Variants in WDR27 observed in about 807,000 individuals in gnomAD.
WDR27 encodes WD repeat domain 27.
In WDR27, 100 loss-of-function variants were observed where a neutral mutation model predicts 114.4. The observed-to-expected ratio is 0.87, with a 90% CI of 0.74 to 1.03. The LOEUF is 1.03. Ranked by LOEUF, WDR27 falls within the 50% of genes least tolerant of loss-of-function variation. WDR27 has a pLI of 0.00. For missense variants in WDR27, 1,129 were observed against 1,092.9 expected (o/e 1.03, Z -0.47); for synonymous variants, 449 against 423.1 (o/e 1.06, Z -0.75).
At chr6:169,574,990 T>C (rs1802016340) in intron 24 of WDR27, among the ~76,000 whole-genome samples, 1 of 152,192 alleles carries the variant, frequency 6.6e-6, no homozygotes, top group Admixed American at 6.5e-5. Flanking sequence ...TTTGTCTATC[T>C]GCCTCTTTGA....
chr6:169,446,892 T>G, the WDR27 span, among the ~76,000 whole-genome samples: 2 of 152,214 alleles, frequency 1.3e-5, no homozygotes, highest in Non-Finnish European at 2.9e-5. Context: ...AAGCGGCCAC[T>G]TCTCCTGGTT....
At chr6:169,606,110 A>T (rs541698393) in intron 22 of WDR27, among the ~76,000 whole-genome samples, 1 of 152,170 alleles carries the variant, frequency 6.6e-6, no homozygotes, top group Non-Finnish European at 1.5e-5. Context: ...GACAAATATG[A>T]CTTAATTAAA....
intron 23 of WDR27, among the ~76,000 whole-genome samples, chr6:169,588,339 G>A (rs1232517909): frequency 6.6e-6 from 1 of 152,202 alleles, no homozygotes; most frequent in Non-Finnish European, 1.5e-5. Context: ...TTTTTAAAAA[G>A]ATGTGTGTAT....
Position 169,632,968 on chromosome 6 carries a change from G to T in WDR27, c.2202C>A (p.Val734=), listed in dbSNP as rs374182383. The T allele has an allele frequency of 6.9e-6, 11 of 1,587,398 alleles. No homozygotes were observed. The highest frequency in any genetic ancestry group is 9.5e-6 in the Non-Finnish European group (11 of 1,159,478). ...TCACTTTATTTTGGCAGATTTGATG[G>T]ACAGGCCGTGAGTGGGCTTCCGCTA... ...AVIAEAHSRP[V]HQICQNKGSS... is the part of the protein sequence containing the mutation. The change falls in exon 21 of 26, where the codon GTC becomes GTA. Residue 734 remains valine, a synonymous_variant. Coordinates refer to ENST00000448612, the MANE Select transcript of WDR27 (RefSeq NM_182552.5).
chr6:169,504,224 A>G (rs1791715330), intron 25 of WDR27, among the ~76,000 whole-genome samples: 2 of 152,240 alleles, frequency 1.3e-5, no homozygotes, highest in Admixed American at 1.3e-4. Flanking sequence ...TAAAATGTTA[A>G]GATACATAGT....
At chr6:169,532,350 G>A (rs946975600) in intron 25 of WDR27, among the ~76,000 whole-genome samples, 5 of 152,038 alleles carry the variant, frequency 3.3e-5, no homozygotes, top group Non-Finnish European at 5.9e-5. Flanking sequence ...AATCAAAATA[G>A]AAAATCTTCT....
intron 19 of WDR27, among the ~76,000 whole-genome samples, chr6:169,634,975 G>A (rs1206824885): frequency 6.6e-6 from 1 of 152,220 alleles, no homozygotes; most frequent in African/African-American, 2.4e-5. Context: ...GCAGGAACAA[G>A]AAGAGGATCC....
In WDR27 at chr6:169,652,018, G is replaced by A. The variant is rs752128468; in HGVS notation, c.1403-10C>T. On this transcript the variant is annotated splice_polypyrimidine_tract_variant and intron_variant, in intron 13 of 25. Coordinates refer to ENST00000448612, the MANE Select transcript of WDR27 (RefSeq NM_182552.5). ...ATGACGTTCCGTGCAGCTGTGGAAA[G>A]GCAATTTTAAAGAAGAAACAAACAC... 3 of 1,612,546 alleles carry A rather than the reference G, an allele frequency of 1.9e-6. No homozygotes were observed. Among genetic ancestry groups the A allele is most frequent in the Admixed American group, 3.3e-5 (2 of 59,728 alleles).
In WDR27 at chr6:169,652,002, C is replaced by T. The variant is rs931292408; in HGVS notation, c.1409G>A (p.Arg470Gln). 3 of 1,613,506 alleles carry T rather than the reference C, an allele frequency of 1.9e-6. No individual in the cohort carries two copies. The highest frequency in any genetic ancestry group is 2.5e-6 in the Non-Finnish European group (3 of 1,179,824). Residue 470 changes from arginine to glutamine, a missense_variant, in exon 14 of 26, where the codon CGG becomes CAG. Transcript: ENST00000448612. ...CAGGCGTTGGTCCTTCATGACGTTC[C>T]GTGCAGCTGTGGAAAGGCAATTTTA... ...KAASEQRRAA[R>Q]NVMKDQRLVF...
chr6:169,539,214 G>T (rs775773600), intron 25 of WDR27, among the ~76,000 whole-genome samples: 2 of 152,122 alleles, frequency 1.3e-5, no homozygotes, highest in African/African-American at 4.8e-5. Context: ...CAGTGTCCCA[G>T]TCCCTTCTGT....
chr6:169,486,095 C>T (rs2115411294), intron 25 of WDR27, among the ~76,000 whole-genome samples: 1 of 151,932 alleles, frequency 6.6e-6, no homozygotes. Flanking sequence ...ACAACAAATC[C>T]CCTTGATATG....
intron 25 of WDR27, among the ~76,000 whole-genome samples, chr6:169,460,066 G>C (rs1180199199): frequency 6.6e-6 from 1 of 152,038 alleles, no homozygotes; most frequent in East Asian, 1.9e-4. Context: ...ATAAAAGCTA[G>C]TATTATTATA....
At chr6:169,462,395 C>T (rs1228290650) in intron 25 of WDR27, among the ~76,000 whole-genome samples, 1 of 151,614 alleles carries the variant, frequency 6.6e-6, no homozygotes, top group East Asian at 1.9e-4. Flanking sequence ...TGAGATTGTG[C>T]CACTGCACTC....
chr6:169,568,670 C>T (rs1800885287), intron 25 of WDR27, among the ~76,000 whole-genome samples: 2 of 152,316 alleles, frequency 1.3e-5, no homozygotes, highest in Non-Finnish European at 2.9e-5. Flanking sequence ...GAAGACCCAA[C>T]TTTCCAATCC....
chr6:169,658,624 A>C (rs1447476962), intron 12 of WDR27, among the ~76,000 whole-genome samples: 1 of 152,194 alleles, frequency 6.6e-6, no homozygotes, highest in Non-Finnish European at 1.5e-5. Context: ...CGTTTTCAAC[A>C]AGATAGAAGC....
intron 25 of WDR27, among the ~76,000 whole-genome samples, chr6:169,465,941 G>A (rs1481654247): frequency 3.9e-5 from 6 of 152,216 alleles, no homozygotes; most frequent in Admixed American, 2.6e-4. Context: ...GAGAGGGATA[G>A]TGGTGGTGAC....
chr6:169,649,358 A>G (rs1163077715), intron 14 of WDR27, 83 bp from the exon 15 acceptor site: 2 of 1,174,584 alleles, frequency 1.7e-6, no homozygotes, highest in Non-Finnish European at 1.2e-6. Flanking sequence ...CAGTGAAAAA[A>G]ATTATATACA....
chr6:169,640,993 G>A (rs1490842099), intron 17 of WDR27, among the ~76,000 whole-genome samples: 1 of 152,180 alleles, frequency 6.6e-6, no homozygotes, highest in Middle Eastern at 3.2e-3. Context: ...TGAGAAATGT[G>A]TTTTTCTCGT....
At chr6:169,578,604 G>A (rs946874273) in intron 24 of WDR27, among the ~76,000 whole-genome samples, 5 of 152,172 alleles carry the variant, frequency 3.3e-5, no homozygotes, top group Admixed American at 3.3e-4. Context: ...GGATGCTGGT[G>A]CAAACTCTGA....
Sources: gnomAD v4.1 joint callset for allele counts (sites outside exome capture counted in the v4.1 genomes callset) on GRCh38, gnomAD v4.1.1 for gene constraint, MANE v1.5 for transcripts, NCBI Gene and HGNC (gene_info 2026-07-23, HGNC 2026-07-21) for gene names.